LRRC3B: variants seen among roughly 807,000 people sequenced by gnomAD.
LRRC3B encodes the protein leucine rich repeat containing 3B, also known as leucine-rich repeat-containing protein 3B.
A neutral mutation model predicts 12.8 loss-of-function variants in LRRC3B; 2 were observed. The observed-to-expected ratio is 0.16, with a 90% confidence interval of 0.06 to 0.49. LRRC3B has a LOEUF of 0.49. Ranked by LOEUF, LRRC3B falls within the 20% of genes least tolerant of loss-of-function variation. The pLI is 0.96. For missense variants in LRRC3B, 189 were observed against 319.4 expected (o/e 0.59, Z 3.11); for synonymous variants, 132 against 122.0 (o/e 1.08, Z -0.54).
chr3:26,681,033 A>T (rs891628157), intron 1 of LRRC3B, among the ~76,000 whole-genome samples: 2 of 152,220 alleles, frequency 1.3e-5, no homozygotes, highest in East Asian at 3.8e-4. Context: ...TACAAAAGAC[A>T]ACTGAATTAT....
chr3:26,691,105 G>GTGTGTATATATATATATATATATA (rs372629683), intron 1 of LRRC3B, among the ~76,000 whole-genome samples: 1 of 84,850 alleles, frequency 1.2e-5, no homozygotes, highest in African/African-American at 4.6e-5. Flanking sequence ...GTGTGTGTGT[G>GTGTGTATATATATATATATATATA]TATATATATA....
At position 26,671,371 on chromosome 3, in the gene LRRC3B, T is replaced by TAGAGAGAGAG. The variant is rs1207421811; in HGVS notation, c.-160-38141_-160-38140insGAGAGAGAGA. On this transcript the variant is annotated intron_variant, in intron 1 of 1. Transcript: ENST00000396641. ...GTGTGTATATATATATATATATATA[T>TAGAGAGAGAG]ATAGAGAGAGAGAGAGAGAGAGAGA... Among the ~76,000 whole-genome samples, 143 of 35,922 alleles carry TAGAGAGAGAG rather than the reference T, an allele frequency of 4.0e-3. 4 individuals are homozygous for TAGAGAGAGAG. The highest frequency in any genetic ancestry group is 0.026 in the Middle Eastern group (1 of 38). 23.6% of individuals were successfully genotyped at this position (35,922 alleles called of 152,430 possible).
At chr3:26,642,499 G>A (rs1699050614) in intron 1 of LRRC3B, among the ~76,000 whole-genome samples, 1 of 152,184 alleles carries the variant, frequency 6.6e-6, no homozygotes, top group African/African-American at 2.4e-5. Flanking sequence ...TAACCCATAG[G>A]ATGTGGGGAT....
intron 1 of LRRC3B, among the ~76,000 whole-genome samples, chr3:26,664,010 T>C (rs754009837): frequency 4.0e-4 from 61 of 152,262 alleles, no homozygotes; most frequent in South Asian, 6.2e-4. Context: ...TACCAGCACA[T>C]ACCTGTCACC....
intron 1 of LRRC3B, among the ~76,000 whole-genome samples, chr3:26,641,582 G>A (rs1033778297): frequency 1.3e-5 from 2 of 152,280 alleles, no homozygotes; most frequent in Middle Eastern, 3.4e-3. Context: ...TAGGAAACCC[G>A]AGCTGGAAGT....
rs571376419 is a variant in LRRC3B at position 26,694,096 on chromosome 3, C to T, written c.-160-15417C>T. ...AGTGATCAAGTGCAACTAGAATCCT[C>T]ATTTGCAAAACCTGTCACCTCATAC... On this transcript the variant is annotated intron_variant, in intron 1 of 1. Transcript: ENST00000396641. Among the ~76,000 whole-genome samples the T allele has an allele frequency of 6.3e-4, 96 of 152,286 alleles. 1 individual carries two copies. Among genetic ancestry groups the T allele is most frequent in the African/African-American group, 2.3e-3 (94 of 41,566 alleles).
chr3:26,702,460 G>A (rs893040822), intron 1 of LRRC3B, among the ~76,000 whole-genome samples: 5 of 149,030 alleles, frequency 3.4e-5, no homozygotes, highest in Admixed American at 6.8e-5. Context: ...ATTCTACAGT[G>A]TAGAGATCTT....
At chr3:26,646,597 G>GAAA (rs1185848032) in intron 1 of LRRC3B, among the ~76,000 whole-genome samples, 1 of 46,904 alleles carries the variant, frequency 2.1e-5, no homozygotes, top group African/African-American at 6.8e-5. Flanking sequence ...AGGATAGGAG[G>GAAA]TAAAAAAAAA....
chr3:26,674,402 A>G (rs1699815568), intron 1 of LRRC3B, among the ~76,000 whole-genome samples: 1 of 152,250 alleles, frequency 6.6e-6, no homozygotes. Context: ...TAGCCAGATC[A>G]AAATAAAGTA....
At chr3:26,670,596 C>G (rs1699699674) in intron 1 of LRRC3B, among the ~76,000 whole-genome samples, 2 of 152,112 alleles carry the variant, frequency 1.3e-5, no homozygotes, top group Non-Finnish European at 2.9e-5. Flanking sequence ...ATTACTACAT[C>G]AAGGGTTTTA....
At chr3:26,709,977 T>A (rs1463445267) in exon 2 of LRRC3B, 1 of 1,614,120 alleles carries the variant, frequency 6.2e-7, no homozygotes, top group South Asian at 1.1e-5. Context: ...GGCATTGAGT[T>A]TATCGATGAG....
intron 1 of LRRC3B, among the ~76,000 whole-genome samples, chr3:26,663,045 G>A (rs1410981684): frequency 2.0e-5 from 3 of 152,160 alleles, no homozygotes; most frequent in Non-Finnish European, 2.9e-5. Flanking sequence ...ACTCTTTCAT[G>A]TTGATTCCCA....
At chr3:26,682,006 TAAC>T (rs1032619205) in intron 1 of LRRC3B, among the ~76,000 whole-genome samples, 1 of 151,918 alleles carries the variant, frequency 6.6e-6, no homozygotes, top group East Asian at 1.9e-4. Flanking sequence ...AATAAGATAT[TAAC>T]AATAAATAAT....
intron 1 of LRRC3B, among the ~76,000 whole-genome samples, chr3:26,678,603 C>T (rs757938872): frequency 6.6e-6 from 1 of 152,082 alleles, no homozygotes; most frequent in Non-Finnish European, 1.5e-5. Flanking sequence ...ACCTAAGAGC[C>T]AGGGGACCCT....
intron 1 of LRRC3B, among the ~76,000 whole-genome samples, chr3:26,646,618 A>AC (rs1699153386): frequency 1.6e-5 from 1 of 64,278 alleles, no homozygotes; most frequent in Admixed American, 2.0e-4. Flanking sequence ...AAAAAAAAAA[A>AC]AAAAAAAAAA....
chr3:26,702,638 C>T (rs1354830629), intron 1 of LRRC3B, among the ~76,000 whole-genome samples: 1 of 152,086 alleles, frequency 6.6e-6, no homozygotes, highest in Admixed American at 6.6e-5. Context: ...CATCGGGAGT[C>T]ATTAGTGCTT....
chr3:26,675,509 G>T (rs1255658542), intron 1 of LRRC3B, among the ~76,000 whole-genome samples: 1 of 152,188 alleles, frequency 6.6e-6, no homozygotes, highest in Non-Finnish European at 1.5e-5. Flanking sequence ...AGTTTGCCCA[G>T]AATATTCCAA....
At chr3:26,691,198 A>T (rs566907416) in intron 1 of LRRC3B, among the ~76,000 whole-genome samples, 1 of 148,244 alleles carries the variant, frequency 6.7e-6, no homozygotes, top group African/African-American at 2.5e-5. Flanking sequence ...GATCATTCAG[A>T]AGATGAAATT....
At chr3:26,704,056 C>T (rs568458101) in intron 1 of LRRC3B, among the ~76,000 whole-genome samples, 1 of 152,110 alleles carries the variant, frequency 6.6e-6, no homozygotes, top group Non-Finnish European at 1.5e-5. Flanking sequence ...GACAGCCCCT[C>T]AGTTCCACTA....
Sources: gnomAD v4.1 joint callset for allele counts (sites outside exome capture counted in the v4.1 genomes callset) on GRCh38, gnomAD v4.1.1 for gene constraint, MANE v1.5 for transcripts, NCBI Gene and HGNC (gene_info 2026-07-23, HGNC 2026-07-21) for gene names.